Variants in CDH13 observed in about 807,000 individuals in gnomAD.
CDH13 encodes the protein cadherin 13.
CDH13 carries 24 observed loss-of-function variants against 63.8 expected under a neutral mutation model. That is an observed-to-expected ratio of 0.38 (90% CI 0.27 to 0.53). The LOEUF (loss-of-function observed/expected upper bound fraction) is 0.53, where lower values mean the gene tolerates loss of function less well. Ranked by LOEUF, CDH13 falls within the 20% of genes least tolerant of loss-of-function variation. The pLI, the probability that CDH13 is intolerant of heterozygous loss-of-function variation, is 0.85. For synonymous variants in CDH13, 503 were observed against 355.3 expected (o/e 1.42, Z -4.67); for missense variants, 1,049 against 903.1 (o/e 1.16, Z -2.07).
intron 3 of CDH13, among the ~76,000 whole-genome samples, chr16:83,063,679 A>G (rs1176214029): frequency 6.6e-6 from 1 of 152,182 alleles, no homozygotes; most frequent in Non-Finnish European, 1.5e-5. Context: ...AATTAGCACA[A>G]ACTTTGTGGC....
chr16:83,439,379 T>C (rs556479416), intron 6 of CDH13, among the ~76,000 whole-genome samples: 8 of 152,336 alleles, frequency 5.3e-5, no homozygotes, highest in East Asian at 3.9e-4. Flanking sequence ...GGAGAGAATA[T>C]ACTATAGGGA....
chr16:83,257,701 C>G (rs1382534615), intron 5 of CDH13, among the ~76,000 whole-genome samples: 1 of 152,156 alleles, frequency 6.6e-6, no homozygotes, highest in Admixed American at 6.5e-5. Context: ...CATGTCTTTG[C>G]TATTGTGAAT....
chr16:83,411,997 T>C (rs995406822), intron 6 of CDH13, among the ~76,000 whole-genome samples: 1 of 152,166 alleles, frequency 6.6e-6, no homozygotes, highest in South Asian at 2.1e-4. Context: ...CTACTGACAG[T>C]GTGCTAAGTT....
At chr16:82,848,910 A>G (rs1249364970) in intron 1 of CDH13, among the ~76,000 whole-genome samples, 1 of 152,178 alleles carries the variant, frequency 6.6e-6, no homozygotes, top group Non-Finnish European at 1.5e-5. Context: ...CCAAAGAGTA[A>G]AGTTGTGAAT....
intron 6 of CDH13, among the ~76,000 whole-genome samples, chr16:83,423,912 C>A (rs555448061): frequency 6.6e-5 from 10 of 152,188 alleles, no homozygotes; most frequent in Admixed American, 5.9e-4. Flanking sequence ...CAGTCTGGGA[C>A]GTGGCTGTAC....
chr16:83,138,353 G>T (rs147317282), intron 4 of CDH13, among the ~76,000 whole-genome samples: 5 of 152,078 alleles, frequency 3.3e-5, no homozygotes, highest in African/African-American at 9.6e-5. Flanking sequence ...GCAGACAAGC[G>T]CTGTGATGGG....
chr16:83,272,667 G>C (rs1466011215), intron 5 of CDH13, among the ~76,000 whole-genome samples: 1 of 152,134 alleles, frequency 6.6e-6, no homozygotes, highest in Non-Finnish European at 1.5e-5. Flanking sequence ...TAATAGGTCT[G>C]TGTGGCCCCT....
intron 5 of CDH13, among the ~76,000 whole-genome samples, chr16:83,277,287 A>G (rs998894525): frequency 3.9e-5 from 6 of 152,214 alleles, no homozygotes; most frequent in African/African-American, 1.4e-4. Flanking sequence ...TTCTCAGGGC[A>G]GGCTGAACAA....
chr16:82,719,845 CAAA>C (rs34017657), intron 1 of CDH13, among the ~76,000 whole-genome samples: 49 of 88,154 alleles, frequency 5.6e-4, no homozygotes, highest in African/African-American at 8.2e-4. Flanking sequence ...GACTCTGTCT[CAAA>C]AAAAAAAAAA....
intron 7 of CDH13, among the ~76,000 whole-genome samples, chr16:83,501,158 A>G (rs1422029209): frequency 2.0e-5 from 3 of 152,240 alleles, no homozygotes; most frequent in African/African-American, 4.8e-5. Context: ...ACAAATTCCA[A>G]CAGGCAACTT....
intron 3 of CDH13, among the ~76,000 whole-genome samples, chr16:83,080,434 A>G (rs1052193928): frequency 1.3e-5 from 2 of 152,114 alleles, no homozygotes; most frequent in African/African-American, 4.8e-5. Flanking sequence ...ACTACGTTCT[A>G]TCCTCCTCCT....
At chr16:83,152,540 A>G (rs1161694225) in intron 4 of CDH13, among the ~76,000 whole-genome samples, 4 of 152,074 alleles carry the variant, frequency 2.6e-5, no homozygotes, top group African/African-American at 9.7e-5. Context: ...ATATTTCTAT[A>G]TTTATTTGAC....
intron 2 of CDH13, among the ~76,000 whole-genome samples, chr16:83,029,583 G>A (rs746944351): frequency 1.2e-4 from 19 of 152,158 alleles, no homozygotes; most frequent in Admixed American, 5.9e-4. Context: ...GATGAATCTC[G>A]TGGCATGTAA....
At chr16:83,515,327 A>G (rs2151610677) in intron 7 of CDH13, among the ~76,000 whole-genome samples, 1 of 152,300 alleles carries the variant, frequency 6.6e-6, no homozygotes, top group African/African-American at 2.4e-5. Flanking sequence ...TTTCTCTTTT[A>G]AGCATTACAC....
chr16:83,443,318 G>C (rs542274832), intron 6 of CDH13, among the ~76,000 whole-genome samples: 6 of 152,124 alleles, frequency 3.9e-5, no homozygotes, highest in Admixed American at 3.9e-4. Context: ...CAGGTGTTCA[G>C]GTATGAGTGA....
At chr16:83,229,048 C>T (rs4511513) in intron 5 of CDH13, among the ~76,000 whole-genome samples, 92,207 of 151,856 alleles carry the variant, frequency 0.61, 29,940 homozygotes, top group East Asian at 0.85. Flanking sequence ...AGCAGGAATG[C>T]GGACTTGTGG....
In CDH13 at chr16:83,366,383, G is replaced by A. The variant is rs554309137; in HGVS notation, c.781+21377G>A. The stretch of plus-strand genomic sequence containing the variant: ...GCGATGCCACTCATTACCACGAACC[G>A]TCTTTTGAGGAGGTTGCGCTGACTG... On this transcript the variant is annotated intron_variant, in intron 6 of 13. Transcript: ENST00000567109. Among the ~76,000 whole-genome samples the A allele has an allele frequency of 4.6e-5, 7 of 152,264 alleles. No individual in the cohort carries two copies. The East Asian group carries it at 5.8e-4, about 13-fold the overall frequency.
chr16:82,680,297 C>A (rs1305007567), intron 1 of CDH13, among the ~76,000 whole-genome samples: 1 of 152,214 alleles, frequency 6.6e-6, no homozygotes, highest in African/African-American at 2.4e-5. Flanking sequence ...GTACTTTCTG[C>A]ATGTCGTGTG....
At chr16:83,776,207 C>T (rs182092617) in intron 11 of CDH13, among the ~76,000 whole-genome samples, 4 of 152,214 alleles carry the variant, frequency 2.6e-5, no homozygotes, top group African/African-American at 9.6e-5. Context: ...TTCTTATGGC[C>T]GTATTTCAAA....
Sources: allele counts gnomAD v4.1 joint callset (sites outside exome capture counted in the v4.1 genomes callset), GRCh38; gene constraint gnomAD v4.1.1; transcripts MANE v1.5; gene names NCBI Gene and HGNC (gene_info 2026-07-23, HGNC 2026-07-21).